MMUT: variants seen among roughly 807,000 people sequenced by gnomAD.
MMUT encodes the protein methylmalonyl-CoA mutase.
In MMUT, 79 loss-of-function variants were observed where a neutral mutation model predicts 79.9. The observed-to-expected ratio is 0.99, with a 90% CI of 0.82 to 1.19. The LOEUF (loss-of-function observed/expected upper bound fraction) is 1.19. Ranked by LOEUF, MMUT falls within the 50% of genes most tolerant of loss-of-function variation. The probability of loss-of-function intolerance (pLI) is 0.00; values close to 1 mark genes in which losing one functional copy is unlikely to be tolerated. For missense variants in MMUT, 860 were observed against 917.2 expected (o/e 0.94, Z 0.81); for synonymous variants, 273 against 295.7 (o/e 0.92, Z 0.79).
intron 1 of MMUT, among the ~76,000 whole-genome samples, 154 bp downstream of exon 1, chr6:49,462,949 G>A (rs1211820814): frequency 6.6e-6 from 1 of 152,172 alleles, no homozygotes; most frequent in African/African-American, 2.4e-5. Flanking sequence ...CTAAGGAGAA[G>A]GCAGAGAGTG....
intron 7 of MMUT, 73 bp downstream of exon 7, chr6:49,448,743 A>T (rs924303005): frequency 7.9e-7 from 1 of 1,265,076 alleles, no homozygotes; most frequent in African/African-American, 1.5e-5. Flanking sequence ...TTAACTATAC[A>T]TGTTATCTTC....
Position 49,453,739 on chromosome 6 carries a change from C to T in MMUT, c.929G>A (p.Gly310Glu). 1 of 1,612,472 alleles carries T rather than the reference C, an allele frequency of 6.2e-7. No homozygotes were observed. The highest frequency in any genetic ancestry group is 8.5e-7 in the Non-Finnish European group (1 of 1,179,056). Residue 310 changes from glycine to glutamate, a missense_variant, in exon 5 of 13, where the codon GGA becomes GAA. Coordinates refer to ENST00000274813, the MANE Select transcript of MMUT (RefSeq NM_000255.4). ...EFAPRLSFFW[G>E]IGMNFYMEIA... is the part of the protein sequence containing the mutation. The stretch of plus-strand genomic sequence containing the variant: ...TTCCATATAGAAATTCATTCCAATT[C>T]CCCAGAAGAAAGACAACCTAAAATA...
rs1767741940 is a variant in MMUT at position 49,458,120 on chromosome 6, A to G, written c.386-62T>C. On this transcript the variant is annotated intron_variant, in intron 2 of 12. Coordinates refer to ENST00000274813, the MANE Select transcript of MMUT (RefSeq NM_000255.4). The stretch of plus-strand genomic sequence containing the variant: ...GTCTGGAATCAAGGTAAAATGATTT[A>G]CTTTTAACACTACTAAAAATGTTGA... The G allele has an allele frequency of 2.0e-6, 3 of 1,484,700 alleles. No individual in the cohort carries two copies. In the African/African-American group the frequency reaches 4.2e-5, roughly 21 times the overall value. 92.0% of individuals were successfully genotyped at this position (1,484,700 alleles called of 1,614,324 possible).
chr6:49,456,314 A>G, intron 3 of MMUT, 77 bp from the exon 4 acceptor site: 5 of 1,003,416 alleles, frequency 5.0e-6, no homozygotes, highest in Non-Finnish European at 7.7e-6. Context: ...TTCTAAGCAT[A>G]AACATTATTT....
At chr6:49,441,286 A>C (rs1265041170) in intron 10 of MMUT, among the ~76,000 whole-genome samples, 1 of 152,150 alleles carries the variant, frequency 6.6e-6, no homozygotes, top group African/African-American at 2.4e-5. Flanking sequence ...ACTGATTGTA[A>C]TGTATGCATA....
intron 1 of MMUT, among the ~76,000 whole-genome samples, 158 bp downstream of exon 1, chr6:49,462,943 GGA>G (rs1387685515): frequency 6.6e-6 from 1 of 152,158 alleles, no homozygotes; most frequent in African/African-American, 2.4e-5. Flanking sequence ...CTAAACCTAA[GGA>G]GAAGGCAGAG....
At chr6:49,439,824 A>G (rs1308885413) in intron 11 of MMUT, among the ~76,000 whole-genome samples, 1 of 152,212 alleles carries the variant, frequency 6.6e-6, no homozygotes, top group Non-Finnish European at 1.5e-5. Context: ...TGTCTCACCA[A>G]TAAGTCCAGT....
At chr6:49,436,718 A>C (rs1767141349) in intron 11 of MMUT, among the ~76,000 whole-genome samples, 1 of 152,174 alleles carries the variant, frequency 6.6e-6, no homozygotes, top group East Asian at 1.9e-4. Flanking sequence ...GATAAAGAAA[A>C]TGTGATACAC....
intron 6 of MMUT, among the ~76,000 whole-genome samples, chr6:49,450,764 C>T (rs1767531939): frequency 1.3e-5 from 2 of 152,202 alleles, no homozygotes; most frequent in East Asian, 1.9e-4. Context: ...AGATGTACTT[C>T]CAAATAACCA....
chr6:49,446,696 A>G (rs752260814), intron 8 of MMUT, among the ~76,000 whole-genome samples: 13 of 151,914 alleles, frequency 8.6e-5, no homozygotes, highest in Non-Finnish European at 1.6e-4. Flanking sequence ...AATGTTAACT[A>G]TTATTGCTAT....
rs1166666815 is a variant in MMUT, at chr6:49,451,666, C to T, written c.1132G>A (p.Val378Ile). 6.2e-7 allele frequency: 1 copy of T among 1,614,058 alleles called. No homozygotes were observed. Among genetic ancestry groups the T allele is most frequent in the Non-Finnish European group, 8.5e-7 (1 of 1,179,932 alleles). The change falls in exon 6 of 13, where the codon GTA becomes ATA. Residue 378 changes from valine to isoleucine, a missense_variant. Val to Ile is a conservative substitution (Grantham distance 29). Transcript: ENST00000274813. ...TGCAAAGACTGAGTCCCTCCAAATA[C>T]TGCTGCCATTGCTTCTATTGCAGTA... ...VRTAIEAMAA[V>I]FGGTQSLHTN...
intron 4 of MMUT, among the ~76,000 whole-genome samples, chr6:49,455,287 AT>A (rs1395562572): frequency 6.6e-6 from 1 of 152,170 alleles, no homozygotes; most frequent in Non-Finnish European, 1.5e-5. Context: ...ATCACTATAA[AT>A]TCTTGAGAAA....
rs121918252 is a variant in MMUT at position 49,431,831 on chromosome 6, C to A, written c.2150G>T (p.Gly717Val). Residue 717 changes from glycine (G) to valine (V), a missense_variant, in exon 13 of 13, where the codon GGT becomes GTT. Physicochemically the swap from Gly to Val is moderately radical, Grantham distance 109. Transcript: ENST00000274813. ...CCCAGGACCAAATACATTGGAAACA[C>A]CAACTTCAAACAGAAATTCATAATC... is the stretch of plus-strand genomic sequence containing the variant. ...PQDYEFLFEVGVSNVFGPGTR... is the reference protein window; with the variant it reads ...PQDYEFLFEVVVSNVFGPGTR... The A allele has an allele frequency of 3.3e-5, 54 of 1,613,592 alleles. No homozygotes were observed. In the African/African-American group the frequency reaches 6.5e-4, roughly 20 times the overall value.
intron 12 of MMUT, 26 bp from the exon 13 acceptor site, chr6:49,431,882 TAAGAGCC>T (rs773699218): frequency 3.1e-6 from 5 of 1,607,850 alleles, no homozygotes; most frequent in Non-Finnish European, 1.7e-6. Flanking sequence ...GTTTAATTAA[TAAGAGCC>T]ACTATTTCCA....
intron 11 of MMUT, among the ~76,000 whole-genome samples, chr6:49,436,280 T>C (rs774400074): frequency 6.6e-6 from 1 of 152,112 alleles, no homozygotes; most frequent in Non-Finnish European, 1.5e-5. Context: ...ACCGTACATA[T>C]ACCCAAATGA....
At chr6:49,441,206 T>C (rs191385916) in intron 10 of MMUT, among the ~76,000 whole-genome samples, 20 of 152,320 alleles carry the variant, frequency 1.3e-4, no homozygotes, top group Admixed American at 9.8e-4. Context: ...TTGAGAAATA[T>C]GATCACATTA....
At position 49,444,720 on chromosome 6, in the gene MMUT, C is replaced by A; in HGVS notation, c.1595G>T (p.Arg532Leu). ...ACATTCGGTTAGTGCAGCAAGACAA[C>A]GTTCAGCCAAAGCTTGATCCCTGCT... ...KSSRDQALAE[R>L]CLAALTECAA... The change falls in exon 9 of 13, where the codon CGT becomes CTT. Residue 532 changes from arginine (R) to leucine (L), a missense_variant. By Grantham distance (102) the Arg-to-Leu change is moderately radical. Coordinates refer to ENST00000274813, the MANE Select transcript of MMUT (RefSeq NM_000255.4). 6.2e-7 allele frequency: 1 copy of A among 1,613,046 alleles called. No individual in the cohort carries two copies. Among genetic ancestry groups the A allele is most frequent in the Non-Finnish European group, 8.5e-7 (1 of 1,179,384 alleles).
intron 5 of MMUT, among the ~76,000 whole-genome samples, chr6:49,453,329 T>G (rs1342881023): frequency 6.6e-6 from 1 of 152,038 alleles, no homozygotes; most frequent in Non-Finnish European, 1.5e-5. Flanking sequence ...CTTTTACAAG[T>G]GTTTCAGCAC....
In MMUT at chr6:49,454,010, A is replaced by G. The variant is rs767518924; in HGVS notation, c.912-254T>C. ...TGTAATTGGTTTTCTTAATGAAAGA[A>G]TCTCTTCCTATGCCCTTCATTAAAT... On this transcript the variant is annotated intron_variant, in intron 4 of 12. Transcript: ENST00000274813. 3.9e-5 allele frequency among the ~76,000 whole-genome samples: 6 copies of G among 152,340 alleles called. No homozygotes were observed. In the South Asian group the frequency reaches 1.2e-3, roughly 32 times the overall value.
Sources: gnomAD v4.1 joint callset for allele counts (sites outside exome capture counted in the v4.1 genomes callset) on GRCh38, gnomAD v4.1.1 for gene constraint, MANE v1.5 for transcripts, NCBI Gene and HGNC (gene_info 2026-07-23, HGNC 2026-07-21) for gene names.